AGMAT: variants seen among roughly 807,000 people sequenced by gnomAD.
The protein encoded by AGMAT is agmatinase (putative), also known as guanidino acid hydrolase, mitochondrial.
AGMAT carries 37 observed loss-of-function variants against 29.3 expected under a neutral mutation model. That is an observed-to-expected ratio of 1.26 (90% confidence interval 0.97 to 1.66). The LOEUF (loss-of-function observed/expected upper bound fraction) is 1.66, where lower values mean the gene tolerates loss of function less well. Among genes scored for constraint, AGMAT ranks in the 40% most tolerant of loss-of-function variants. AGMAT has a pLI of 0.00. For synonymous variants in AGMAT, 199 were observed against 200.8 expected (o/e 0.99, Z 0.08); for missense variants, 498 against 497.8 (o/e 1.00, Z 0.00).
In AGMAT at chr1:15,572,747, A is replaced by T. The variant is rs1241322331; in HGVS notation, c.*904T>A. 1.3e-5 allele frequency: 2 copies of T among 151,546 alleles called. 1 individual carries two copies. Among genetic ancestry groups the T allele is most frequent in the Admixed American group, 1.3e-4 (2 of 15,180 alleles). The allele number at this position is 151,546 out of a possible 1,614,324, so 9.4% of individuals were successfully genotyped here. ...TTCATTAGGCTCTCCGTGTTACTTT[A>T]TACTTTTTACTTACGTTCACAGTGG... is the stretch of plus-strand genomic sequence containing the variant. On this transcript the variant is annotated 3_prime_UTR_variant, in exon 7 of 7. Transcript: ENST00000375826.
Position 15,572,165 on chromosome 1 carries a change from AAG to A in AGMAT, c.*1484_*1485del, listed in dbSNP as rs1638961860. On this transcript the variant is annotated 3_prime_UTR_variant, in exon 7 of 7. Transcript: ENST00000375826. ...ATCTCAGAAAAAAAAAAAAAAAAAA[AAG>A]CCCAGCTGACATTTTCCAGTTTTGT... Among the ~76,000 whole-genome samples the A allele has an allele frequency of 6.7e-6, 1 of 150,348 alleles. No individual in the cohort carries two copies. The highest frequency in any genetic ancestry group is 1.5e-5 in the Non-Finnish European group (1 of 67,704).
intron 1 of AGMAT, among the ~76,000 whole-genome samples, chr1:15,584,246 G>C (rs1639152722): frequency 6.6e-6 from 1 of 152,188 alleles, no homozygotes; most frequent in African/African-American, 2.4e-5. Context: ...GGGTTCAAGC[G>C]ATTCTCCTGC....
intron 5 of AGMAT, among the ~76,000 whole-genome samples, chr1:15,577,102 G>A (rs1022230261): frequency 1.3e-5 from 2 of 152,026 alleles, no homozygotes; most frequent in Non-Finnish European, 1.5e-5. Context: ...ATGAACTGTT[G>A]TTTTCATGAC....
At chr1:15,582,724 G>A (rs920365286) in intron 2 of AGMAT, among the ~76,000 whole-genome samples, 7 of 152,084 alleles carry the variant, frequency 4.6e-5, no homozygotes, top group African/African-American at 1.4e-4. Flanking sequence ...TTGGCCAGGC[G>A]CGGTGGCTCA....
intron 5 of AGMAT, chr1:15,575,069 C>G (rs116690300): frequency 8.8e-4 from 386 of 438,578 alleles, no homozygotes; most frequent in African/African-American, 6.6e-3. Context: ...ACAAGGAAAC[C>G]AATCGTTTCA....
intron 1 of AGMAT, 99 bp from the exon 2 acceptor site, chr1:15,583,494 A>T: frequency 8.5e-7 from 1 of 1,177,380 alleles, no homozygotes; most frequent in Non-Finnish European, 1.2e-6. Flanking sequence ...GGGCCAGATG[A>T]TTCCGTGTCG....
chr1:15,580,488 A>C (rs527894162), intron 2 of AGMAT, among the ~76,000 whole-genome samples: 1 of 151,610 alleles, frequency 6.6e-6, no homozygotes, highest in East Asian at 2.0e-4. Context: ...TACAGGCATG[A>C]GCCACCATGC....
At position 15,582,765 on chromosome 1, in the gene AGMAT, A is replaced by C. The variant is rs184161354; in HGVS notation, c.475+428T>G. ...GTAACCCCAGCACTTTGGGAGGCCA[A>C]GGTGGGCGGATCACTTGAGGTCAGG... On this transcript the variant is annotated intron_variant, in intron 2 of 6. Coordinates refer to ENST00000375826, the MANE Select transcript of AGMAT (RefSeq NM_024758.5). Among the ~76,000 whole-genome samples, 512 of 152,292 alleles carry C rather than the reference A, an allele frequency of 3.4e-3. 2 individuals carry two copies. Among genetic ancestry groups the C allele is most frequent in the Non-Finnish European group, 3.9e-3 (266 of 68,034 alleles).
At chr1:15,576,740 C>CTTTAGTTTGTTTTTTTTTTTTTTTTTTTT (rs1639044078) in intron 5 of AGMAT, among the ~76,000 whole-genome samples, 1 of 35,796 alleles carries the variant, frequency 2.8e-5, no homozygotes, top group Non-Finnish European at 5.0e-5. Context: ...GTTTAGTGTT[C>CTTTAGTTTGTTTTTTTTTTTTTTTTTTTT]TTTTTTTTTT....
intron 1 of AGMAT, 32 bp downstream of exon 1, chr1:15,584,664 C>T (rs542494891): frequency 4.7e-6 from 6 of 1,289,604 alleles, no homozygotes; most frequent in Middle Eastern, 2.0e-4. Context: ...AGTCCCTCCA[C>T]GTGTACCCGG....
intron 2 of AGMAT, among the ~76,000 whole-genome samples, chr1:15,581,017 G>A (rs1639106112): frequency 6.6e-6 from 1 of 151,912 alleles, no homozygotes; most frequent in Non-Finnish European, 1.5e-5. Context: ...CTTGAGCCTA[G>A]AAGTTTGAGA....
At position 15,583,234 on chromosome 1, in the gene AGMAT, T is replaced by C. The variant is rs764230779; in HGVS notation, c.434A>G (p.Tyr145Cys). The C allele has an allele frequency of 5.0e-6, 8 of 1,614,002 alleles. No homozygotes were observed. The highest frequency in any genetic ancestry group is 3.3e-5 in the Admixed American group (2 of 59,976). ...QDSCRRIQEA[Y>C]EKIVAAGCIP... is the part of the protein sequence containing the mutation. ...ACAGCCAGCTGCTACAATTTTCTCA[T>C]AGGCCTCTTGAATTCGCCGGCAGCT... Residue 145 changes from tyrosine (Y) to cysteine (C), a missense_variant, in exon 2 of 7, where the codon TAT becomes TGT. Coordinates refer to ENST00000375826, the MANE Select transcript of AGMAT (RefSeq NM_024758.5).
At position 15,572,327 on chromosome 1, in the gene AGMAT, G is replaced by A. The variant is rs970484811; in HGVS notation, c.*1324C>T. ...CCTCCCGCCTAGGCCTGGGATTACA[G>A]GCGTGAGCCACTGGGTCCGGCCTGC... On this transcript the variant is annotated 3_prime_UTR_variant, in exon 7 of 7. Transcript: ENST00000375826. The A allele has an allele frequency of 1.4e-5, 2 of 146,688 alleles. No individual in the cohort carries two copies. The highest frequency in any genetic ancestry group is 3.0e-5 in the Non-Finnish European group (2 of 67,268). The allele number at this position is 146,688 out of a possible 1,614,324, so 9.1% of individuals were successfully genotyped here.
intron 2 of AGMAT, among the ~76,000 whole-genome samples, chr1:15,582,033 C>T (rs1639122479): frequency 6.6e-6 from 1 of 151,920 alleles, no homozygotes; most frequent in South Asian, 2.1e-4. Flanking sequence ...CTTTGGAAGG[C>T]CGAGGTGGGC....
At position 15,573,369 on chromosome 1, in the gene AGMAT, A is replaced by G. The variant is rs1638986915; in HGVS notation, c.*282T>C. On this transcript the variant is annotated 3_prime_UTR_variant, in exon 7 of 7. Coordinates refer to ENST00000375826, the MANE Select transcript of AGMAT (RefSeq NM_024758.5). Reference sequence around the variant, plus strand: ...TAATGTTTAGATAATCTTGAAAGAAATTCTCCTCACTTCCCCTTTATCCTC... The same window carrying G: ...TAATGTTTAGATAATCTTGAAAGAAGTTCTCCTCACTTCCCCTTTATCCTC... 3.0e-6 allele frequency: 1 copy of G among 331,836 alleles called. No individual in the cohort carries two copies. Among genetic ancestry groups the G allele is most frequent in the South Asian group, 6.0e-5 (1 of 16,548 alleles). The allele number at this position is 331,836 out of a possible 1,614,324, so 20.6% of individuals were successfully genotyped here.
In AGMAT at chr1:15,584,821, G is replaced by T; in HGVS notation, c.147C>A (p.Phe49Leu). The change falls in exon 1 of 7, where the codon TTC (phenylalanine) becomes TTA (leucine). Residue 49 changes from phenylalanine to leucine, a missense_variant. Coordinates refer to ENST00000375826, the MANE Select transcript of AGMAT (RefSeq NM_024758.5). ...APRNQPPSPE[F>L]VARPVGVCSM... ...AGCAGACGCCCACCGGCCGGGCCACGAACTCGGGGCTGGGGGGCTGGTTCC... is the reference window on the plus strand; with the variant it reads ...AGCAGACGCCCACCGGCCGGGCCACTAACTCGGGGCTGGGGGGCTGGTTCC... The T allele has an allele frequency of 1.4e-6, 2 of 1,415,712 alleles. No homozygotes were observed. 87.7% of individuals were successfully genotyped at this position (1,415,712 alleles called of 1,614,324 possible).
chr1:15,578,736 G>T, intron 4 of AGMAT, 123 bp downstream of exon 4: 1 of 1,127,516 alleles, frequency 8.9e-7, no homozygotes, highest in Non-Finnish European at 1.3e-6. Flanking sequence ...TGCAAACTCA[G>T]CCTTGTATCC....
Position 15,580,127 on chromosome 1 carries a change from A to T in AGMAT, c.491T>A (p.Ile164Asn). ...IPLTLGGDHT[I>N]TYPILQAMAK... ...CATCGCTTGCAATATGGGATATGTG[A>T]TTGTGTGATCTCCACCTGCAAAGAG... The change falls in exon 3 of 7, where the codon ATC becomes AAC. Residue 164 changes from isoleucine to asparagine, a missense_variant. Physicochemically the swap from Ile to Asn is moderately radical, Grantham distance 149. Transcript: ENST00000375826. The T allele has an allele frequency of 6.3e-7, 1 of 1,593,762 alleles. No individual in the cohort carries two copies. Among genetic ancestry groups the T allele is most frequent in the Non-Finnish European group, 8.6e-7 (1 of 1,167,494 alleles).
chr1:15,577,815 G>A lies in AGMAT; in HGVS notation c.770C>T (p.Pro257Leu), dbSNP rs1367862688. The change falls in exon 5 of 7, where the codon CCT (proline) becomes CTT (leucine). Residue 257 changes from proline to leucine, a missense_variant. Physicochemically the swap from Pro to Leu is moderately conservative, Grantham distance 98. Transcript: ENST00000375826. ...CTGCTGCCTGACTTCCCCCATCAGA[G>A]GAACCAGCGACTTCATCCAGCAGTC... ...AEDCWMKSLV[P>L]LMGEVRQQMG... 5.0e-6 allele frequency: 8 copies of A among 1,614,202 alleles called. No individual in the cohort carries two copies. Among genetic ancestry groups the A allele is most frequent in the Non-Finnish European group, 6.8e-6 (8 of 1,180,036 alleles).
Sources: allele counts gnomAD v4.1 joint callset (sites outside exome capture counted in the v4.1 genomes callset), GRCh38; gene constraint gnomAD v4.1.1; transcripts MANE v1.5; gene names NCBI Gene and HGNC (gene_info 2026-07-23, HGNC 2026-07-21).